Variants in NRIP1 observed in about 807,000 individuals in gnomAD.
NRIP1 encodes the protein nuclear receptor-interacting protein 1.
NRIP1 carries 28 observed loss-of-function variants against 75.0 expected under a neutral mutation model. That is an observed-to-expected ratio of 0.37 (90% CI 0.28 to 0.51). NRIP1 has a LOEUF of 0.51. Among genes scored for constraint, NRIP1 ranks in the 20% least tolerant of loss-of-function variants. The probability of loss-of-function intolerance (pLI) is 0.92; values close to 1 mark genes in which losing one functional copy is unlikely to be tolerated. For missense variants in NRIP1, 1,435 were observed against 1,343.7 expected, an observed-to-expected ratio of 1.07 and a Z score of -1.06; for synonymous variants, 526 against 487.6, an observed-to-expected ratio of 1.08 and a Z score of -1.04.
intron 1 of NRIP1, among the ~76,000 whole-genome samples, chr21:15,060,283 A>C (rs2089396363): frequency 6.6e-6 from 1 of 152,182 alleles, no homozygotes; most frequent in Admixed American, 6.5e-5. Flanking sequence ...AGTATCCATC[A>C]ACCTGAACAC....
In NRIP1 at chr21:14,965,036, C is replaced by CA; in HGVS notation, c.3156dup (p.Glu1053Ter). 1 of 1,613,920 alleles carries CA rather than the reference C, an allele frequency of 6.2e-7. No homozygotes were observed. ...AATCTTGGAGAGTCTTTTTCATACTCATTCTTCTCCGCATCAGTGATAACC... is the reference window on the plus strand; with the variant it reads ...AATCTTGGAGAGTCTTTTTCATACTCAATTCTTCTCCGCATCAGTGATAACC... On this transcript the variant is annotated frameshift_variant, in exon 4 of 4. Coordinates refer to ENST00000318948, the MANE Select transcript of NRIP1 (RefSeq NM_003489.4). LOFTEE classifies it high-confidence loss of function.
intron 1 of NRIP1, chr21:15,052,469 T>G (rs886184681): frequency 7.2e-5 from 11 of 152,186 alleles, no homozygotes; most frequent in African/African-American, 2.4e-4. Context: ...ACTACTTTTT[T>G]TCCTTTTTAA....
chr21:15,026,115 G>GA (rs903503936), intron 2 of NRIP1, among the ~76,000 whole-genome samples: 2 of 152,138 alleles, frequency 1.3e-5, no homozygotes, highest in Middle Eastern at 3.4e-3. Flanking sequence ...GTCAACAGAG[G>GA]AAAAAAGTTC....
intron 3 of NRIP1, among the ~76,000 whole-genome samples, chr21:14,993,776 T>G (rs1029104451): frequency 4.6e-5 from 7 of 151,298 alleles, no homozygotes; most frequent in Middle Eastern, 3.4e-3. Context: ...CAGAGAGAGA[T>G]ATGTCTCAAA....
At chr21:14,968,702 T>C (rs1209950590) in intron 3 of NRIP1, among the ~76,000 whole-genome samples, 176 bp from the exon 4 acceptor site, 2 of 152,328 alleles carry the variant, frequency 1.3e-5, no homozygotes, top group East Asian at 1.9e-4. Context: ...TCCTATTCAA[T>C]TGAAAATGTC....
chr21:14,965,964 C>T lies in NRIP1; in HGVS notation c.2229G>A (p.Glu743=), dbSNP rs760052068. The change falls in exon 4 of 4, where the codon GAG becomes GAA. Residue 743 remains glutamate, a synonymous_variant. Transcript: ENST00000318948. ...LRDESTQEHS[E]RALSEQILMV... ...TCAGTATTTGTTCACTTAAAGCTCT[C>T]TCTGAGTGTTCCTGAGTACTTTCAT... 7 of 1,614,046 alleles carry T rather than the reference C, an allele frequency of 4.3e-6. No individual in the cohort carries two copies. In the East Asian group the frequency reaches 6.7e-5, roughly 15 times the overall value.
Position 15,030,906 on chromosome 21 carries a change from A to C in NRIP1, c.-458+12589T>G, listed in dbSNP as rs377640097. Among the ~76,000 whole-genome samples, 111 of 131,936 alleles carry C rather than the reference A, an allele frequency of 8.4e-4. No individual in the cohort carries two copies. In the East Asian group the frequency reaches 0.014, roughly 17 times the overall value. 86.6% of individuals were successfully genotyped at this position (131,936 alleles called of 152,430 possible). On this transcript the variant is annotated intron_variant, in intron 2 of 3. Transcript: ENST00000318948. Reference sequence around the variant, plus strand: ...TCTGGAAGGCGCTCGGAGGATCACCACATTCCCTTTCTATGTGTGTACACT... The same window carrying C: ...TCTGGAAGGCGCTCGGAGGATCACCCCATTCCCTTTCTATGTGTGTACACT...
intron 3 of NRIP1, among the ~76,000 whole-genome samples, chr21:14,972,003 G>C (rs2086913864): frequency 6.6e-6 from 1 of 152,160 alleles, no homozygotes; most frequent in Non-Finnish European, 1.5e-5. Flanking sequence ...TTCTTATGGA[G>C]ACCTGTTTTT....
intron 1 of NRIP1, among the ~76,000 whole-genome samples, chr21:15,063,568 CAGAA>C (rs1326608801): frequency 1.3e-5 from 2 of 152,108 alleles, no homozygotes; most frequent in Admixed American, 1.3e-4. Context: ...CCCCAAGAAA[CAGAA>C]AGAGCATTCA....
At position 14,966,990 on chromosome 21, in the gene NRIP1, T is replaced by G. The variant is rs773957833; in HGVS notation, c.1203A>C (p.Arg401Ser). 5 of 1,614,154 alleles carry G rather than the reference T, an allele frequency of 3.1e-6. No individual in the cohort carries two copies. The South Asian group carries it at 4.4e-5, about 14-fold the overall frequency. The change falls in exon 4 of 4, where the codon AGA (arginine) becomes AGC (serine). Residue 401 changes from arginine to serine, a missense_variant. By Grantham distance (110) the Arg-to-Ser change is moderately radical (BLOSUM62 -1). Coordinates refer to ENST00000318948, the MANE Select transcript of NRIP1 (RefSeq NM_003489.4). Reference protein sequence around the residue: ...KPMNGHSHSERGSIFEESSTP... With the variant: ...KPMNGHSHSESGSIFEESSTP... Reference sequence around the variant, plus strand: ...TACTACTTTCCTCAAAAATGCTTCCTCTCTCACTGTGACTGTGTCCATTCA... The same window carrying G: ...TACTACTTTCCTCAAAAATGCTTCCGCTCTCACTGTGACTGTGTCCATTCA...
rs1489712275 is a variant in NRIP1 at position 14,967,310 on chromosome 21, T to C, written c.883A>G (p.Ser295Gly). 4 of 1,614,132 alleles carry C rather than the reference T, an allele frequency of 2.5e-6. No homozygotes were observed. Among genetic ancestry groups the C allele is most frequent in the Non-Finnish European group, 1.7e-6 (2 of 1,180,016 alleles). ...LKTQNANQAASERLAAMARLQ... is the reference protein window; with the variant it reads ...LKTQNANQAAGERLAAMARLQ... ...CTGGCCATAGCAGCAAGTCTTTCACTTGCTGCTTGATTTGCATTTTGCGTT... is the reference window on the plus strand; with the variant it reads ...CTGGCCATAGCAGCAAGTCTTTCACCTGCTGCTTGATTTGCATTTTGCGTT... The change falls in exon 4 of 4, where the codon AGT becomes GGT. Residue 295 changes from serine to glycine, a missense_variant. By Grantham distance (56) the Ser-to-Gly change is moderately conservative. Transcript: ENST00000318948.
At chr21:15,062,447 G>C (rs1296015681) in intron 1 of NRIP1, among the ~76,000 whole-genome samples, 1 of 152,160 alleles carries the variant, frequency 6.6e-6, no homozygotes, top group Admixed American at 6.5e-5. Context: ...TTGAATCTCT[G>C]ATAACAACGC....
At chr21:15,015,658 ATAT>A (rs1484924630) in intron 2 of NRIP1, among the ~76,000 whole-genome samples, 6 of 152,244 alleles carry the variant, frequency 3.9e-5, no homozygotes, top group South Asian at 2.1e-4. Flanking sequence ...AGTCATTAAA[ATAT>A]TATACAAGAA....
rs768278529 is a variant in NRIP1 at position 14,967,193 on chromosome 21, T to C, written c.1000A>G (p.Ser334Gly). 42 of 1,614,018 alleles carry C rather than the reference T, an allele frequency of 2.6e-5. No individual in the cohort carries two copies. Among genetic ancestry groups the C allele is most frequent in the Non-Finnish European group, 1.6e-5 (19 of 1,180,018 alleles). Residue 334 changes from serine to glycine, a missense_variant, in exon 4 of 4, where the codon AGC (serine) becomes GGC (glycine). Transcript: ENST00000318948. Reference protein sequence around the residue: ...HLNGQARTSSSKLMASKSSAT... With the variant: ...HLNGQARTSSGKLMASKSSAT... Reference sequence around the variant, plus strand: ...CTACTTTTGCTAGCCATCAGTTTGCTTGATGATGTTCTTGCCTGACCATTA... The same window carrying C: ...CTACTTTTGCTAGCCATCAGTTTGCCTGATGATGTTCTTGCCTGACCATTA...
At chr21:15,015,858 T>C (rs2088215238) in intron 2 of NRIP1, among the ~76,000 whole-genome samples, 1 of 152,178 alleles carries the variant, frequency 6.6e-6, no homozygotes, top group East Asian at 1.9e-4. Flanking sequence ...AATACATACA[T>C]ATTATTTTTC....
At chr21:15,020,203 A>G (rs77246526) in intron 2 of NRIP1, among the ~76,000 whole-genome samples, 5 of 152,192 alleles carry the variant, frequency 3.3e-5, no homozygotes, top group Non-Finnish European at 7.4e-5. Flanking sequence ...ATCTCAAAAC[A>G]TACTATAAAT....
intron 3 of NRIP1, among the ~76,000 whole-genome samples, chr21:14,988,854 G>C (rs1250896724): frequency 6.6e-6 from 1 of 152,076 alleles, no homozygotes; most frequent in Non-Finnish European, 1.5e-5. Flanking sequence ...TTTCAGATTA[G>C]TGCCTAGAGG....
chr21:15,009,802 T>G (rs1180630067), intron 3 of NRIP1, among the ~76,000 whole-genome samples: 2 of 152,216 alleles, frequency 1.3e-5, no homozygotes, highest in African/African-American at 4.8e-5. Flanking sequence ...TGATGAAAGA[T>G]GTGGACTTAG....
intron 3 of NRIP1, among the ~76,000 whole-genome samples, chr21:14,990,868 T>C (rs956204251): frequency 2.0e-5 from 3 of 152,142 alleles, no homozygotes; most frequent in Non-Finnish European, 4.4e-5. Flanking sequence ...TAGCATCTAA[T>C]AATAAGTAGC....
Sources: gnomAD v4.1 joint callset for allele counts (sites outside exome capture counted in the v4.1 genomes callset) on GRCh38, gnomAD v4.1.1 for gene constraint, MANE v1.5 for transcripts, NCBI Gene and HGNC (gene_info 2026-07-23, HGNC 2026-07-21) for gene names.